The following STAP2 variants were observed in gnomAD, a reference collection of about 807,000 sequenced individuals.
STAP2 encodes signal transducing adaptor family member 2.
Under a neutral mutation model 52.7 loss-of-function variants are expected in STAP2, and 58 were observed. That is an observed-to-expected ratio of 1.10 (90% CI 0.89 to 1.37). STAP2 has a LOEUF of 1.37. STAP2 is among the 40% of genes most tolerant of loss of function. STAP2 has a pLI of 0.00. For synonymous variants in STAP2, 231 were observed against 210.5 expected, an observed-to-expected ratio of 1.10 and a Z score of -0.84; for missense variants, 522 against 519.4, an observed-to-expected ratio of 1.00 and a Z score of -0.05.
At chr19:4,333,558 CAAG>C in intron 3 of STAP2, 133 bp downstream of exon 3, 2 of 1,209,482 alleles carry the variant, frequency 1.7e-6, no homozygotes, top group Non-Finnish European at 1.1e-6. Context: ...CCTTTGGGGT[CAAG>C]ACCCAAGTCT....
chr19:4,332,098 A>C lies in STAP2; in HGVS notation c.298-20T>G. The C allele has an allele frequency of 6.2e-7, 1 of 1,606,574 alleles. No homozygotes were observed. Among genetic ancestry groups the C allele is most frequent in the Non-Finnish European group, 8.5e-7 (1 of 1,177,544 alleles). On this transcript the variant is annotated intron_variant, in intron 3 of 12. Coordinates refer to ENST00000594605, the MANE Select transcript of STAP2 (RefSeq NM_001013841.2). ...CTCTACCTGGGGAACAAAAGAAAGG[A>C]AAGAATCCAAGTCAGTGAGCCTCAG...
intron 1 of STAP2, among the ~76,000 whole-genome samples, chr19:4,334,770 C>A (rs1002472192): frequency 2.0e-5 from 3 of 151,510 alleles, no homozygotes; most frequent in Non-Finnish European, 2.9e-5. Context: ...ATCCATCCAC[C>A]CACACATCCA....
rs1335683768 is a variant in STAP2 at position 4,333,998 on chromosome 19, A to G, written c.149T>C (p.Phe50Ser). The G allele has an allele frequency of 3.1e-6, 5 of 1,613,316 alleles. No individual in the cohort carries two copies. Among genetic ancestry groups the G allele is most frequent in the East Asian group, 4.5e-5 (2 of 44,880 alleles). Residue 50 changes from phenylalanine (F) to serine (S), a missense_variant, in exon 2 of 13, where the codon TTC becomes TCC. Coordinates refer to ENST00000594605, the MANE Select transcript of STAP2 (RefSeq NM_001013841.2). ...CTGGAAGTCCCGATTGCTATTGTAG[A>G]AATAAATGGTGAGACCCTGCAGGCC... ...WAGLQGLTIY[F>S]YNSNRDFQHV...
chr19:4,336,888 G>A (rs986456299), intron 1 of STAP2, among the ~76,000 whole-genome samples: 2 of 151,856 alleles, frequency 1.3e-5, no homozygotes, highest in Non-Finnish European at 2.9e-5. Flanking sequence ...GCCTGCCTCG[G>A]CCTCCCAAAG....
Position 4,324,442 on chromosome 19 carries a change from G to A in STAP2, c.1147+13C>T, listed in dbSNP as rs769630916. The A allele has an allele frequency of 2.8e-5, 44 of 1,553,924 alleles. No homozygotes were observed. Among genetic ancestry groups the A allele is most frequent in the African/African-American group, 4.1e-5 (3 of 73,778 alleles). On this transcript the variant is annotated intron_variant, in intron 12 of 12. Coordinates refer to ENST00000594605, the MANE Select transcript of STAP2 (RefSeq NM_001013841.2). Reference sequence around the variant, plus strand: ...GGGAAGCCCGCCCCGCACTGACCCCGCAGACCCCTTACCGGCTGTGGGGAA... The same window carrying A: ...GGGAAGCCCGCCCCGCACTGACCCCACAGACCCCTTACCGGCTGTGGGGAA...
rs759732198 is a variant in STAP2, at chr19:4,327,303, G to GC, written c.660+12dup. On this transcript the variant is annotated intron_variant, in intron 7 of 12. Coordinates refer to ENST00000594605, the MANE Select transcript of STAP2 (RefSeq NM_001013841.2). ...CACAAAGTCACTTCTAGGGACTCTG[G>GC]CCCAACGCTCACCGGCTGTTCCACA... The GC allele has an allele frequency of 1.2e-6, 2 of 1,614,136 alleles. No individual in the cohort carries two copies. Among genetic ancestry groups the GC allele is most frequent in the Non-Finnish European group, 1.7e-6 (2 of 1,179,994 alleles).
chr19:4,336,829 T>C lies in STAP2; in HGVS notation c.102+1823A>G, dbSNP rs564165532. On this transcript the variant is annotated intron_variant, in intron 1 of 12. Coordinates refer to ENST00000594605, the MANE Select transcript of STAP2 (RefSeq NM_001013841.2). ...TTGTATTTTTTAGTAGAGACGAGGT[T>C]TCACCATATTGGCCAGGTTGGTCTT... Among the ~76,000 whole-genome samples, 97 of 151,472 alleles carry C rather than the reference T, an allele frequency of 6.4e-4. 2 individuals carry two copies. In the South Asian group the frequency reaches 0.02, roughly 31 times the overall value.
intron 4 of STAP2, among the ~76,000 whole-genome samples, chr19:4,330,307 G>T: frequency 6.6e-6 from 1 of 151,934 alleles, no homozygotes; most frequent in Admixed American, 6.6e-5. Flanking sequence ...GATCACCTAA[G>T]GTCAGGAGTT....
At chr19:4,333,396 T>G (rs1279660850) in intron 3 of STAP2, among the ~76,000 whole-genome samples, 1 of 151,962 alleles carries the variant, frequency 6.6e-6, no homozygotes, top group Non-Finnish European at 1.5e-5. Context: ...CTTGGGAGGC[T>G]GAGGCAGGAG....
chr19:4,336,440 C>G (rs1167529006), intron 1 of STAP2, among the ~76,000 whole-genome samples: 1 of 150,924 alleles, frequency 6.6e-6, no homozygotes, highest in Non-Finnish European at 1.5e-5. Flanking sequence ...GCCTCAGCCT[C>G]CCGAGTAGCT....
At chr19:4,327,097 C>T (rs1363916551) in intron 8 of STAP2, 27 bp downstream of exon 8, 1 of 1,613,378 alleles carries the variant, frequency 6.2e-7, no homozygotes, top group South Asian at 1.1e-5. Flanking sequence ...AGCACTGGGC[C>T]CCCGAACTCC....
intron 5 of STAP2, 141 bp downstream of exon 5, chr19:4,329,820 T>TCCCCCA (rs1971858934): frequency 2.0e-5 from 1 of 50,836 alleles, no homozygotes; most frequent in Admixed American, 2.1e-4. Context: ...CCCCTCCCCC[T>TCCCCCA]CCCCCACCCC....
Position 4,338,406 on chromosome 19 carries a change from G to A in STAP2, c.102+246C>T, listed in dbSNP as rs1359763612. 2.2e-5 allele frequency: 8 copies of A among 364,032 alleles called. No individual in the cohort carries two copies. The East Asian group carries it at 3.2e-4, about 14-fold the overall frequency. The allele number at this position is 364,032 out of a possible 1,614,324, so 22.6% of individuals were successfully genotyped here. ...AGAGAGGGAGACTGAGACAGACATC[G>A]GGAGAGACAGACGGGGCCAGGGAGA... is the stretch of plus-strand genomic sequence containing the variant. On this transcript the variant is annotated intron_variant, in intron 1 of 12. Transcript: ENST00000594605.
At chr19:4,326,002 G>A (rs907575033) in intron 9 of STAP2, among the ~76,000 whole-genome samples, 1 of 151,872 alleles carries the variant, frequency 6.6e-6, no homozygotes, top group Non-Finnish European at 1.5e-5. Context: ...TGGCATACAC[G>A]TGTACACTAA....
chr19:4,326,426 C>A (rs1204268541), intron 9 of STAP2, among the ~76,000 whole-genome samples: 1 of 152,170 alleles, frequency 6.6e-6, no homozygotes, highest in African/African-American at 2.4e-5. Context: ...GAAGACCAGA[C>A]AACCCACGCT....
At chr19:4,333,908 C>T in intron 2 of STAP2, 65 bp downstream of exon 2, 2 of 1,611,424 alleles carry the variant, frequency 1.2e-6, no homozygotes, top group South Asian at 1.1e-5. Flanking sequence ...ACACCATCTA[C>T]ATTGTCTGCT....
Position 4,324,095 on chromosome 19 carries a change from G to T in STAP2, c.*38C>A, listed in dbSNP as rs1258361727. ...AAAAAGAATCTGGCCGCTGGGCCAT[G>T]CCCTGGGACTAGCCCGCTGGTCCCT... On this transcript the variant is annotated 3_prime_UTR_variant, in exon 13 of 13. Coordinates refer to ENST00000594605, the MANE Select transcript of STAP2 (RefSeq NM_001013841.2). 3 of 1,542,418 alleles carry T rather than the reference G, an allele frequency of 1.9e-6. No homozygotes were observed. Among genetic ancestry groups the T allele is most frequent in the Non-Finnish European group, 2.6e-6 (3 of 1,139,050 alleles).
In STAP2 at chr19:4,332,060, G is replaced by T. The variant is rs766907780; in HGVS notation, c.316C>A (p.Arg106=). Residue 106 remains arginine (R), a synonymous_variant, in exon 4 of 13, where the codon CGG becomes AGG. Coordinates refer to ENST00000594605, the MANE Select transcript of STAP2 (RefSeq NM_001013841.2). Reference sequence around the variant, plus strand: ...AAGATGAAGCCTTTCCACATTTCCCGACACTCCAAGGTCTCTACCTGGGGA... The same window carrying T: ...AAGATGAAGCCTTTCCACATTTCCCTACACTCCAAGGTCTCTACCTGGGGA... ...IKFKVETLEC[R]EMWKGFILTV... 1 of 1,613,082 alleles carries T rather than the reference G, an allele frequency of 6.2e-7. No homozygotes were observed. The highest frequency in any genetic ancestry group is 8.5e-7 in the Non-Finnish European group (1 of 1,179,770).
At chr19:4,335,392 A>C (rs1599555795) in intron 1 of STAP2, among the ~76,000 whole-genome samples, 2 of 138,186 alleles carry the variant, frequency 1.4e-5, no homozygotes, top group Non-Finnish European at 3.1e-5. Context: ...TCCATCATCC[A>C]CCCACCCACC....
Sources: allele counts gnomAD v4.1 joint callset (sites outside exome capture counted in the v4.1 genomes callset), GRCh38; gene constraint gnomAD v4.1.1; transcripts MANE v1.5; gene names NCBI Gene and HGNC (gene_info 2026-07-23, HGNC 2026-07-21).